The following F13A1 variants were observed in gnomAD, a reference collection of about 807,000 sequenced individuals.
F13A1 encodes FSF, A subunit.
F13A1 carries 47 observed loss-of-function variants against 80.1 expected under a neutral mutation model. The observed-to-expected ratio is 0.59, with a 90% CI of 0.46 to 0.75. The LOEUF (loss-of-function observed/expected upper bound fraction) is 0.75. F13A1 is among the 30% of genes least tolerant of loss of function. The pLI is 0.00. For synonymous variants in F13A1, 349 were observed against 344.9 expected (o/e 1.01, Z -0.13); for missense variants, 817 against 930.4 (o/e 0.88, Z 1.59).
At chr6:6,151,170 T>G (rs4352723) in intron 14 of F13A1, among the ~76,000 whole-genome samples, 32,320 of 152,084 alleles carry the variant, frequency 0.21, 3,541 homozygotes, top group Middle Eastern at 0.28. Context: ...CAATTTGAAG[T>G]GGCCTGTGTG....
chr6:6,152,539 T>C (rs780644628), intron 13 of F13A1, among the ~76,000 whole-genome samples: 9 of 152,138 alleles, frequency 5.9e-5, no homozygotes, highest in Non-Finnish European at 1.2e-4. Context: ...GGTGAGTTGA[T>C]CTATTATGAC....
chr6:6,275,600 C>T (rs1414289184), intron 3 of F13A1, among the ~76,000 whole-genome samples: 1 of 152,142 alleles, frequency 6.6e-6, no homozygotes, highest in Non-Finnish European at 1.5e-5. Context: ...AACTCCTGAC[C>T]TCAAGAGATC....
At chr6:6,248,286 T>A in intron 6 of F13A1, 26 bp downstream of exon 6, 1 of 1,581,582 alleles carries the variant, frequency 6.3e-7, no homozygotes, top group Non-Finnish European at 8.7e-7. Context: ...TGTAACAGAT[T>A]TTAGGTATCA....
intron 14 of F13A1, among the ~76,000 whole-genome samples, chr6:6,151,393 C>T (rs547199651): frequency 1.4e-4 from 21 of 152,200 alleles, no homozygotes; most frequent in Non-Finnish European, 2.6e-4. Context: ...ATATCTGACA[C>T]GTGGTAGGAG....
intron 13 of F13A1, among the ~76,000 whole-genome samples, chr6:6,164,460 A>T (rs906383601): frequency 2.0e-5 from 3 of 152,012 alleles, no homozygotes; most frequent in Non-Finnish European, 4.4e-5. Context: ...TACATAACAA[A>T]CCTTCATATG....
chr6:6,298,563 A>T (rs1165014298), intron 3 of F13A1, among the ~76,000 whole-genome samples: 1 of 149,366 alleles, frequency 6.7e-6, no homozygotes, highest in African/African-American at 2.6e-5. Context: ...AGAGACTAGG[A>T]TTGCAACCCC....
chr6:6,310,126 G>A (rs79114160), intron 2 of F13A1, among the ~76,000 whole-genome samples: 22,555 of 152,172 alleles, frequency 0.15, 2,054 homozygotes, highest in Non-Finnish European at 0.21. Context: ...TCATGGCATA[G>A]TGCTAGTTTT....
At position 6,173,506 on chromosome 6, in the gene F13A1, C is replaced by T. The variant is rs192241028; in HGVS notation, c.1747+1074G>A. Among the ~76,000 whole-genome samples, 102 of 151,190 alleles carry T rather than the reference C, an allele frequency of 6.7e-4. 1 individual carries two copies. The highest frequency in any genetic ancestry group is 2.1e-3 in the African/African-American group (86 of 41,086). On this transcript the variant is annotated intron_variant, in intron 12 of 14. Transcript: ENST00000264870. ...CACTGCAACCTCCGCCTCCCGGGTT[C>T]GAGCAATTCTCCTGCCTCAGCCTCC...
chr6:6,216,945 C>T (rs965329975), intron 8 of F13A1, among the ~76,000 whole-genome samples: 7 of 150,968 alleles, frequency 4.6e-5, no homozygotes, highest in Admixed American at 4.6e-4. Flanking sequence ...CATCACTGGC[C>T]ATCAGAGAAA....
intron 13 of F13A1, among the ~76,000 whole-genome samples, chr6:6,163,657 G>A (rs974180858): frequency 2.6e-5 from 4 of 152,146 alleles, no homozygotes; most frequent in African/African-American, 9.7e-5. Context: ...GTGTTCCTGC[G>A]AAGGACATGA....
At chr6:6,168,092 A>G (rs1371505703) in intron 12 of F13A1, among the ~76,000 whole-genome samples, 1 of 152,224 alleles carries the variant, frequency 6.6e-6, no homozygotes, top group African/African-American at 2.4e-5. Flanking sequence ...TCAACTACCT[A>G]CACATTTTCT....
chr6:6,178,866 C>A (rs536648786), intron 11 of F13A1, among the ~76,000 whole-genome samples: 1 of 152,286 alleles, frequency 6.6e-6, no homozygotes, highest in African/African-American at 2.4e-5. Context: ...GTCAAGTAAG[C>A]TGAAGTCTGC....
chr6:6,204,167 C>CTTAACTTGGCTAACTAACTGCT (rs1373967762), intron 8 of F13A1, among the ~76,000 whole-genome samples: 12 of 152,142 alleles, frequency 7.9e-5, no homozygotes, highest in Admixed American at 7.2e-4. Flanking sequence ...CTTTACTGAC[C>CTTAACTTGGCTAACTAACTGCT]TTAACTTGGC....
rs3024368 is a variant in F13A1 at position 6,251,042 on chromosome 6, T to TA, written c.572-114dup. ...AACTACATTTAATCAGCCAAATTTT[T>TA]AAAAAATGCCCTTTGTTTCACCAAG... On this transcript the variant is annotated intron_variant, in intron 4 of 14. Transcript: ENST00000264870. The TA allele has an allele frequency of 0.092, 76,233 of 831,470 alleles. 4,564 individuals carry two copies. The highest frequency in any genetic ancestry group is 0.19 in the African/African-American group (11,482 of 60,068). 51.5% of individuals were successfully genotyped at this position (831,470 alleles called of 1,614,324 possible). A position where few individuals can be genotyped will look rare whatever the true frequency, so the allele number is the denominator to read the frequency against.
intron 3 of F13A1, among the ~76,000 whole-genome samples, chr6:6,276,238 G>A (rs1317965652): frequency 6.6e-6 from 1 of 152,220 alleles, no homozygotes; most frequent in Non-Finnish European, 1.5e-5. Flanking sequence ...CGGCCAAAGA[G>A]AGGATTGGAA....
At chr6:6,267,900 A>G (rs1470683634) in intron 3 of F13A1, among the ~76,000 whole-genome samples, 1 of 152,212 alleles carries the variant, frequency 6.6e-6, no homozygotes, top group Non-Finnish European at 1.5e-5. Flanking sequence ...CTTTTGTTTT[A>G]AAAGCTTCAC....
At position 6,305,488 on chromosome 6, in the gene F13A1, T is replaced by C; in HGVS notation, c.182A>G (p.Asn61Ser). 6.2e-7 allele frequency: 1 copy of C among 1,614,246 alleles called. No homozygotes were observed. The highest frequency in any genetic ancestry group is 2.2e-5 in the East Asian group (1 of 44,884). The change falls in exon 3 of 15, where the codon AAC becomes AGC. Residue 61 changes from asparagine (N) to serine (S), a missense_variant. Asn to Ser is a conservative substitution (Grantham distance 46). Coordinates refer to ENST00000264870, the MANE Select transcript of F13A1 (RefSeq NM_000129.4). The stretch of plus-strand genomic sequence containing the variant: ...CTTGTCAGTGTGGTGGTCCACCTTG[T>C]TAGTGTCCCATCTCTCCTTGAACAG... The part of the protein sequence containing the change: ...VHLFKERWDT[N>S]KVDHHTDKYE...
At position 6,197,290 on chromosome 6, in the gene F13A1, C is replaced by A. The variant is rs750203146; in HGVS notation, c.1149G>T (p.Arg383Ser). The change falls in exon 9 of 15, where the codon AGG becomes AGT. Residue 383 changes from arginine (R) to serine (S), a missense_variant. Arg to Ser is a moderately radical substitution (Grantham distance 110). Coordinates refer to ENST00000264870, the MANE Select transcript of F13A1 (RefSeq NM_000129.4). ...CTCCAAATCCAACAGGAAGGTCAGGCCTTGTCATCCATGCTTCATTCCAGC... is the reference window on the plus strand; with the variant it reads ...CTCCAAATCCAACAGGAAGGTCAGGACTTGTCATCCATGCTTCATTCCAGC... ...YHCWNEAWMTRPDLPVGFGGW... is the reference protein window; with the variant it reads ...YHCWNEAWMTSPDLPVGFGGW... 5.0e-6 allele frequency: 8 copies of A among 1,614,100 alleles called. No individual in the cohort carries two copies. The highest frequency in any genetic ancestry group is 4.0e-5 in the African/African-American group (3 of 74,940).
intron 3 of F13A1, among the ~76,000 whole-genome samples, chr6:6,290,451 AAAATGTGGTAGGGTAGTGTTTATAGT>A (rs1285363074): frequency 6.6e-6 from 1 of 152,202 alleles, no homozygotes; most frequent in Non-Finnish European, 1.5e-5. Context: ...TATAAAAATA[AAAATGTGGTAGGGTAGTGTTTATAGT>A]AGAACAATTT....
Sources: allele counts gnomAD v4.1 joint callset (sites outside exome capture counted in the v4.1 genomes callset), GRCh38; gene constraint gnomAD v4.1.1; transcripts MANE v1.5; gene names NCBI Gene and HGNC (gene_info 2026-07-23, HGNC 2026-07-21).